The following OPCML variants were observed in gnomAD, a reference collection of about 807,000 sequenced individuals.
The protein encoded by OPCML is opioid-binding protein/cell adhesion molecule.
OPCML carries 13 observed loss-of-function variants against 37.8 expected under a neutral mutation model. That is an observed-to-expected ratio of 0.34 (90% CI 0.22 to 0.55). OPCML has a LOEUF of 0.55. Ranked by LOEUF, OPCML falls within the 20% of genes least tolerant of loss-of-function variation. OPCML has a pLI of 0.91. For synonymous variants in OPCML, 176 were observed against 168.8 expected (o/e 1.04, Z -0.33); for missense variants, 341 against 435.6 (o/e 0.78, Z 1.93).
intron 4 of OPCML, among the ~76,000 whole-genome samples, chr11:132,499,095 C>T (rs1487867497): frequency 6.6e-6 from 1 of 152,186 alleles, no homozygotes; most frequent in Non-Finnish European, 1.5e-5. Flanking sequence ...AAAGTAGATC[C>T]GGGCTAGTCA....
intron 1 of OPCML, chr11:133,419,120 G>T: frequency 4.8e-6 from 2 of 413,714 alleles, no homozygotes; most frequent in Non-Finnish European, 6.5e-6. Context: ...AACTCTACCT[G>T]CCATGTGGCT....
chr11:132,655,827 C>G (rs1380893099), intron 3 of OPCML, among the ~76,000 whole-genome samples: 3 of 149,926 alleles, frequency 2.0e-5, no homozygotes, highest in African/African-American at 4.9e-5. Flanking sequence ...CAACCTCTCT[C>G]TAGGAAACCA....
intron 2 of OPCML, among the ~76,000 whole-genome samples, chr11:132,689,727 A>C (rs1943323812): frequency 6.6e-6 from 1 of 152,188 alleles, no homozygotes; most frequent in African/African-American, 2.4e-5. Context: ...CCATTTACTT[A>C]CCTGTGAGAT....
intron 1 of OPCML, among the ~76,000 whole-genome samples, chr11:132,973,406 C>T (rs945302435): frequency 6.6e-6 from 1 of 152,192 alleles, no homozygotes; most frequent in Non-Finnish European, 1.5e-5. Context: ...ACTTCCTGGC[C>T]ATTGACTCCT....
intron 1 of OPCML, among the ~76,000 whole-genome samples, chr11:133,107,858 T>C (rs1949185407): frequency 6.6e-6 from 1 of 152,238 alleles, no homozygotes; most frequent in Non-Finnish European, 1.5e-5. Context: ...TTATTTTTTA[T>C]TTCTGATTCT....
chr11:132,616,266 T>G (rs1939008982), intron 3 of OPCML, among the ~76,000 whole-genome samples: 1 of 152,198 alleles, frequency 6.6e-6, no homozygotes, highest in Admixed American at 6.5e-5. Context: ...TTTACAAGAT[T>G]TTTACACACA....
At chr11:133,004,932 C>T (rs904939016) in intron 1 of OPCML, 7 of 985,260 alleles carry the variant, frequency 7.1e-6, no homozygotes, top group Non-Finnish European at 8.4e-6. Flanking sequence ...ATTGCCTGCC[C>T]CTTCCCTCCA....
chr11:132,725,096 T>C lies in OPCML; in HGVS notation c.147-67777A>G, dbSNP rs933833693. ...ACAGGTCCATGAGGCAGTGCCCCAG[T>C]AGGGACTCTGTGTGTGGGCTCCAAC... On this transcript the variant is annotated intron_variant, in intron 2 of 7. Transcript: ENST00000524381. Among the ~76,000 whole-genome samples, 3 of 152,154 alleles carry C rather than the reference T, an allele frequency of 2.0e-5. No homozygotes were observed. In the East Asian group the frequency reaches 5.8e-4, roughly 29 times the overall value.
chr11:132,461,622 A>C (rs1189297110), intron 4 of OPCML, among the ~76,000 whole-genome samples: 1 of 152,204 alleles, frequency 6.6e-6, no homozygotes, highest in African/African-American at 2.4e-5. Flanking sequence ...AAGTAGCAAG[A>C]ACTTGGCCTT....
intron 1 of OPCML, among the ~76,000 whole-genome samples, chr11:133,286,496 G>T (rs56178431): frequency 0.33 from 44,840 of 137,640 alleles, 9,205 homozygotes; most frequent in East Asian, 0.76. Context: ...AAAAAAAAAG[G>T]ACTCACCTAA....
chr11:132,503,446 T>C (rs747776772), intron 4 of OPCML, among the ~76,000 whole-genome samples: 4 of 152,198 alleles, frequency 2.6e-5, no homozygotes, highest in Non-Finnish European at 5.9e-5. Flanking sequence ...CACTATTGCA[T>C]TTGGTGCTTT....
chr11:133,097,009 A>G (rs1163752559), intron 1 of OPCML, among the ~76,000 whole-genome samples: 1 of 152,152 alleles, frequency 6.6e-6, no homozygotes, highest in Non-Finnish European at 1.5e-5. Context: ...GAAAATCAGT[A>G]TGGACATAGT....
At chr11:133,082,597 G>GCCCATCCCCCTTCCCCTC in intron 1 of OPCML, among the ~76,000 whole-genome samples, 1 of 87,318 alleles carries the variant, frequency 1.1e-5, no homozygotes, top group Non-Finnish European at 2.3e-5. Context: ...CCTCCCCCTC[G>GCCCATCCCCCTTCCCCTC]CCCATCCCCC....
chr11:133,259,336 T>C (rs1941419622), intron 1 of OPCML, among the ~76,000 whole-genome samples: 2 of 152,236 alleles, frequency 1.3e-5, no homozygotes, highest in Non-Finnish European at 1.5e-5. Flanking sequence ...CCTTCTCTAG[T>C]TTCTAGAAGT....
chr11:132,800,155 T>A (rs1938560776), intron 2 of OPCML, among the ~76,000 whole-genome samples: 1 of 152,242 alleles, frequency 6.6e-6, no homozygotes, highest in Admixed American at 6.5e-5. Context: ...ATTGTGTTTA[T>A]TACTAAGTAT....
At chr11:133,386,326 G>A (rs1400179640) in intron 1 of OPCML, among the ~76,000 whole-genome samples, 2 of 152,218 alleles carry the variant, frequency 1.3e-5, no homozygotes, top group South Asian at 2.1e-4. Context: ...TTTTGTTGGA[G>A]TGGTAACTAA....
chr11:132,456,908 A>C (rs2096084552), intron 4 of OPCML, among the ~76,000 whole-genome samples: 1 of 152,222 alleles, frequency 6.6e-6, no homozygotes, highest in Non-Finnish European at 1.5e-5. Flanking sequence ...TGCATTAGGC[A>C]GAAGGAATAC....
At chr11:133,390,535 G>T (rs1455338911) in intron 1 of OPCML, among the ~76,000 whole-genome samples, 1 of 152,106 alleles carries the variant, frequency 6.6e-6, no homozygotes, top group Non-Finnish European at 1.5e-5. Context: ...GTCAAAATCT[G>T]GGACAAAGAC....
chr11:132,753,788 T>G (rs1260729272), intron 2 of OPCML, among the ~76,000 whole-genome samples: 1 of 152,128 alleles, frequency 6.6e-6, no homozygotes, highest in Admixed American at 6.6e-5. Context: ...CACCAGCCCA[T>G]CAAGATTATT....
Sources: gnomAD v4.1 joint callset for allele counts (sites outside exome capture counted in the v4.1 genomes callset) on GRCh38, gnomAD v4.1.1 for gene constraint, MANE v1.5 for transcripts, NCBI Gene and HGNC (gene_info 2026-07-23, HGNC 2026-07-21) for gene names.